The following ADCY9 variants were observed in gnomAD, a reference collection of about 807,000 sequenced individuals.
ADCY9 encodes adenylate cyclase 9.
In ADCY9, 50 loss-of-function variants were observed where a neutral mutation model predicts 101.5. That is an observed-to-expected ratio of 0.49 (90% confidence interval 0.39 to 0.62). The LOEUF is 0.62. ADCY9 is among the 20% of genes least tolerant of loss of function. The probability of loss-of-function intolerance (pLI) is 0.00; values close to 1 mark genes in which losing one functional copy is unlikely to be tolerated. For synonymous variants in ADCY9, 905 were observed against 769.3 expected, an observed-to-expected ratio of 1.18 and a Z score of -2.92; for missense variants, 1,662 against 1,800.4, an observed-to-expected ratio of 0.92 and a Z score of 1.39.
intron 3 of ADCY9, among the ~76,000 whole-genome samples, chr16:4,000,894 C>A (rs1292733153): frequency 6.6e-6 from 1 of 150,732 alleles, no homozygotes; most frequent in African/African-American, 2.4e-5. Context: ...GGGGAAATTT[C>A]ATGGAAATGC....
At chr16:3,969,524 C>G (rs2056028525) in intron 10 of ADCY9, among the ~76,000 whole-genome samples, 1 of 132,548 alleles carries the variant, frequency 7.5e-6, no homozygotes, top group Admixed American at 8.5e-5. Flanking sequence ...CAGGTGTGAG[C>G]CACCACACCT....
rs2056529192 is a variant in ADCY9 at position 4,027,957 on chromosome 16, GC to G, written c.1694-20400del. Among the ~76,000 whole-genome samples the G allele has an allele frequency of 2.6e-5, 4 of 151,856 alleles. No individual in the cohort carries two copies. In the South Asian group the frequency reaches 6.3e-4, roughly 24 times the overall value. ...CACGAGAACAGCATGGGAATGACCT[GC>G]CCCCACGATTCAATTACCTCCCACT... On this transcript the variant is annotated intron_variant, in intron 2 of 10. Transcript: ENST00000294016.
chr16:4,074,851 A>C (rs2056857358), intron 2 of ADCY9, among the ~76,000 whole-genome samples: 1 of 152,074 alleles, frequency 6.6e-6, no homozygotes, highest in African/African-American at 2.4e-5. Context: ...GAATCTCACA[A>C]AGATTTATTG....
chr16:3,954,089 T>A (rs2055895071), intron 5 of ADCY9, among the ~76,000 whole-genome samples: 1 of 152,230 alleles, frequency 6.6e-6, no homozygotes, highest in Middle Eastern at 3.4e-3. Context: ...CTCATCTGGG[T>A]GTTATCATTA....
At position 4,115,233 on chromosome 16, in the gene ADCY9, T is replaced by C. The variant is rs2057142121; in HGVS notation, c.210A>G (p.Gly70=). ...GCTTCTTCTGCCTGCGCAGCCGGCC[T>C]CCGCCGCCCACTCGCCGGGGGACGC... ...SGGVPRRVGG[G]GRLRRQKKLP... The change falls in exon 2 of 11, where the codon GGA becomes GGG. Residue 70 remains glycine (G), a synonymous_variant. Coordinates refer to ENST00000294016, the MANE Select transcript of ADCY9 (RefSeq NM_001116.4). The surrounding 1 kb of genome is among the most constrained non-coding windows in gnomAD (Gnocchi z 6.2). The C allele has an allele frequency of 6.2e-7, 1 of 1,613,136 alleles. No individual in the cohort carries two copies. Among genetic ancestry groups the C allele is most frequent in the South Asian group, 1.1e-5 (1 of 91,038 alleles).
At chr16:4,038,295 A>G (rs1396630735) in intron 2 of ADCY9, among the ~76,000 whole-genome samples, 5 of 151,192 alleles carry the variant, frequency 3.3e-5, no homozygotes, top group Admixed American at 6.6e-5. Context: ...AAAAAAAAAA[A>G]GGCAGTGGGG....
downstream of ADCY9, among the ~76,000 whole-genome samples, chr16:3,960,578 C>T (rs2055931991): frequency 6.6e-6 from 1 of 152,134 alleles, no homozygotes; most frequent in African/African-American, 2.4e-5. Flanking sequence ...TTTTTATGTG[C>T]ATTTTTTCTG....
At chr16:4,027,224 A>C (rs1188868385) in intron 2 of ADCY9, among the ~76,000 whole-genome samples, 1 of 152,180 alleles carries the variant, frequency 6.6e-6, no homozygotes, top group African/African-American at 2.4e-5. Flanking sequence ...CGTGGAGTGT[A>C]CTTTCATTTC....
At chr16:3,990,479 AAG>A (rs76868640) in intron 5 of ADCY9, among the ~76,000 whole-genome samples, 3 of 143,090 alleles carry the variant, frequency 2.1e-5, no homozygotes, top group Middle Eastern at 3.4e-3. Flanking sequence ...AAAAAAAAAA[AAG>A]AGTAAATCAG....
chr16:4,110,813 G>A (rs575786122), intron 2 of ADCY9, among the ~76,000 whole-genome samples: 1 of 152,322 alleles, frequency 6.6e-6, no homozygotes, highest in African/African-American at 2.4e-5. Context: ...GTAACTCCGG[G>A]TGTGGCCATG....
chr16:3,963,097 C>CATATATATATAT lies in ADCY9; in HGVS notation c.*2666_*2677dup, dbSNP rs57326989. The CATATATATATAT allele has an allele frequency of 5.0e-5, 6 of 120,538 alleles. No individual in the cohort carries two copies. The highest frequency in any genetic ancestry group is 1.9e-4 in the Admixed American group (2 of 10,622). 7.5% of individuals were successfully genotyped at this position (120,538 alleles called of 1,614,324 possible). A position where few individuals can be genotyped will look rare whatever the true frequency, so the allele number is the denominator to read the frequency against. On this transcript the variant is annotated 3_prime_UTR_variant, in exon 11 of 11. Transcript: ENST00000294016. ...GATAAAATTGTGTGTGCTTGTTTAC[C>CATATATATATAT]ATATATATATATATATATATATATA...
intron 2 of ADCY9, among the ~76,000 whole-genome samples, chr16:4,026,666 G>C (rs2056517619): frequency 6.6e-6 from 1 of 152,124 alleles, no homozygotes; most frequent in East Asian, 1.9e-4. Flanking sequence ...AGCATCACAA[G>C]GAATGAACTA....
At chr16:3,985,000 TG>T (rs1213391166) in intron 6 of ADCY9, among the ~76,000 whole-genome samples, 1 of 152,172 alleles carries the variant, frequency 6.6e-6, no homozygotes, top group African/African-American at 2.4e-5. Context: ...CAGGGCAACC[TG>T]GGGGTTAGGG....
At chr16:4,039,605 G>A (rs762890237) in intron 2 of ADCY9, among the ~76,000 whole-genome samples, 2 of 151,016 alleles carry the variant, frequency 1.3e-5, no homozygotes, top group African/African-American at 2.4e-5. Flanking sequence ...CTTGAACCTG[G>A]GAGGCAGAGG....
At chr16:4,028,945 C>A (rs538354294) in intron 2 of ADCY9, among the ~76,000 whole-genome samples, 1 of 152,012 alleles carries the variant, frequency 6.6e-6, no homozygotes, top group Non-Finnish European at 1.5e-5. Flanking sequence ...CCACTGCACG[C>A]GGCTAATTTT....
At chr16:3,984,402 C>T (rs80077479) in intron 6 of ADCY9, among the ~76,000 whole-genome samples, 2,601 of 152,218 alleles carry the variant, frequency 0.017, 70 homozygotes, top group African/African-American at 0.058. Flanking sequence ...CACTAGTGTT[C>T]GGCAATTGAG....
intron 5 of ADCY9, among the ~76,000 whole-genome samples, chr16:3,989,917 C>T (rs994489512): frequency 6.6e-6 from 1 of 152,130 alleles, no homozygotes; most frequent in Non-Finnish European, 1.5e-5. Flanking sequence ...TTATAGTTAG[C>T]GTAATTTTGG....
chr16:4,056,899 A>C (rs1339245275), intron 2 of ADCY9, among the ~76,000 whole-genome samples: 1 of 152,120 alleles, frequency 6.6e-6, no homozygotes, highest in Admixed American at 6.6e-5. Context: ...ACCATCACCC[A>C]GGCTGAGGTC....
At chr16:4,013,850 A>C (rs758520573) in intron 2 of ADCY9, among the ~76,000 whole-genome samples, 2 of 152,350 alleles carry the variant, frequency 1.3e-5, no homozygotes, top group South Asian at 2.1e-4. Context: ...AAAAGAGAGA[A>C]TATCTTTCAT....
Sources: allele counts gnomAD v4.1 joint callset (sites outside exome capture counted in the v4.1 genomes callset), GRCh38; gene constraint gnomAD v4.1.1; non-coding constraint Gnocchi (gnomAD v3.1); transcripts MANE v1.5; gene names NCBI Gene and HGNC (gene_info 2026-07-23, HGNC 2026-07-21).